The following ANKS1B variants were observed in gnomAD, a reference collection of about 807,000 sequenced individuals.
ANKS1B encodes ankyrin repeat and sterile alpha motif domain-containing protein 1B.
In ANKS1B, 36 loss-of-function variants were observed where a neutral mutation model predicts 148.3. That is an observed-to-expected ratio of 0.24 (90% CI 0.19 to 0.32). ANKS1B has a LOEUF of 0.32. ANKS1B is among the 10% of genes least tolerant of loss of function. ANKS1B has a pLI of 1.00. For missense variants in ANKS1B, 1,157 were observed against 1,542.6 expected, an observed-to-expected ratio of 0.75 and a Z score of 4.19; for synonymous variants, 542 against 560.8, an observed-to-expected ratio of 0.97 and a Z score of 0.47.
At chr12:99,189,005 G>A (rs557246183) in intron 14 of ANKS1B, among the ~76,000 whole-genome samples, 1 of 152,096 alleles carries the variant, frequency 6.6e-6, no homozygotes. Flanking sequence ...AATGATAAAG[G>A]AGATATCACC....
intron 15 of ANKS1B, among the ~76,000 whole-genome samples, chr12:99,132,740 G>A (rs958707251): frequency 6.6e-6 from 1 of 152,086 alleles, no homozygotes; most frequent in African/African-American, 2.4e-5. Context: ...TCTTCTCTGA[G>A]CCTTAGTCTT....
At chr12:98,993,880 C>G (rs2099928048) in intron 17 of ANKS1B, among the ~76,000 whole-genome samples, 1 of 152,140 alleles carries the variant, frequency 6.6e-6, no homozygotes, top group South Asian at 2.1e-4. Context: ...GATATTTAAT[C>G]TTCCTAATGG....
At chr12:99,068,555 A>G (rs1188277310) in intron 16 of ANKS1B, among the ~76,000 whole-genome samples, 1 of 152,220 alleles carries the variant, frequency 6.6e-6, no homozygotes, top group African/African-American at 2.4e-5. Context: ...AAGTTCTAGA[A>G]AAAAATGCTA....
intron 9 of ANKS1B, among the ~76,000 whole-genome samples, chr12:99,630,798 C>T (rs1478729508): frequency 2.6e-5 from 4 of 152,174 alleles, no homozygotes; most frequent in African/African-American, 4.8e-5. Context: ...CACGTCCTTA[C>T]CAGCAAGAAG....
At chr12:99,535,697 T>G (rs2097058756) in intron 9 of ANKS1B, among the ~76,000 whole-genome samples, 1 of 152,110 alleles carries the variant, frequency 6.6e-6, no homozygotes, top group Non-Finnish European at 1.5e-5. Flanking sequence ...ACAATTCTAC[T>G]TCTTCAAGTT....
chr12:98,785,684 C>A (rs1438963451), intron 22 of ANKS1B, among the ~76,000 whole-genome samples: 7 of 152,228 alleles, frequency 4.6e-5, no homozygotes, highest in Non-Finnish European at 1.0e-4. Context: ...GATCATCATT[C>A]TTTTCTCCTT....
intron 17 of ANKS1B, among the ~76,000 whole-genome samples, chr12:98,930,997 C>A (rs1271845228): frequency 6.6e-6 from 1 of 151,818 alleles, no homozygotes; most frequent in Admixed American, 6.6e-5. Flanking sequence ...AGTTACCATG[C>A]TGCTGGCAGC....
At position 98,922,100 on chromosome 12, in the gene ANKS1B, T is replaced by C. The variant is rs563143544; in HGVS notation, c.2779-89964A>G. Reference sequence around the variant, plus strand: ...ACTCTGCAATTGCTGAGTGCTAGTGTATCTATCCTCAAGTGGCATTTCTGT... The same window carrying C: ...ACTCTGCAATTGCTGAGTGCTAGTGCATCTATCCTCAAGTGGCATTTCTGT... On this transcript the variant is annotated intron_variant, in intron 17 of 26. Transcript: ENST00000683438. Among the ~76,000 whole-genome samples the C allele has an allele frequency of 1.4e-3, 210 of 152,342 alleles. 2 individuals carry two copies. Among genetic ancestry groups the C allele is most frequent in the African/African-American group, 4.9e-3 (204 of 41,582 alleles).
rs184558181 is a variant in ANKS1B at position 98,744,003 on chromosome 12, T to C, written c.*1736A>G. 8 of 983,884 alleles carry C rather than the reference T, an allele frequency of 8.1e-6. No individual in the cohort carries two copies. 60.9% of individuals were successfully genotyped at this position (983,884 alleles called of 1,614,324 possible). A position where few individuals can be genotyped will look rare whatever the true frequency, so the allele number is the denominator to read the frequency against. On this transcript the variant is annotated 3_prime_UTR_variant, in exon 27 of 27. Transcript: ENST00000683438. Reference sequence around the variant, plus strand: ...GTACAACTTCTGTTTTATTTTTGTGTGCTTTTTTTATAGGATATAAATAAT... The same window carrying C: ...GTACAACTTCTGTTTTATTTTTGTGCGCTTTTTTTATAGGATATAAATAAT...
chr12:99,643,904 A>G (rs571758276), intron 9 of ANKS1B, among the ~76,000 whole-genome samples: 19 of 152,232 alleles, frequency 1.2e-4, no homozygotes, highest in Non-Finnish European at 2.5e-4. Flanking sequence ...TTATCTAGCC[A>G]TGCTTTCAGC....
intron 11 of ANKS1B, among the ~76,000 whole-genome samples, chr12:99,420,579 A>G (rs2095051551): frequency 1.4e-5 from 2 of 144,502 alleles, no homozygotes; most frequent in South Asian, 4.3e-4. Context: ...CTTTTCTGCT[A>G]TTTTTCTAAA....
At chr12:98,861,642 C>G (rs541302366) in intron 17 of ANKS1B, among the ~76,000 whole-genome samples, 4 of 152,164 alleles carry the variant, frequency 2.6e-5, no homozygotes, top group Non-Finnish European at 4.4e-5. Context: ...TAGAAAAGAA[C>G]TTAATTAGTT....
At chr12:99,092,753 T>A (rs1439762000) in intron 15 of ANKS1B, among the ~76,000 whole-genome samples, 1 of 152,206 alleles carries the variant, frequency 6.6e-6, no homozygotes, top group Non-Finnish European at 1.5e-5. Flanking sequence ...AATTTGCTCC[T>A]GGGTATTCCC....
intron 25 of ANKS1B, among the ~76,000 whole-genome samples, chr12:98,755,259 C>G (rs1299610912): frequency 6.6e-6 from 1 of 152,192 alleles, no homozygotes; most frequent in Non-Finnish European, 1.5e-5. Context: ...GAGTTGCTAT[C>G]ATGTACGAGG....
chr12:99,694,395 T>G (rs557583211), intron 8 of ANKS1B, among the ~76,000 whole-genome samples: 1 of 149,842 alleles, frequency 6.7e-6, no homozygotes, highest in African/African-American at 2.5e-5. Flanking sequence ...GCTGAGATCA[T>G]GCCACTACAC....
At chr12:99,696,877 C>T (rs2054008936) in intron 8 of ANKS1B, among the ~76,000 whole-genome samples, 1 of 152,062 alleles carries the variant, frequency 6.6e-6, no homozygotes, top group South Asian at 2.1e-4. Context: ...ACTTAAAATA[C>T]AACATAAGAA....
chr12:98,808,630 C>T (rs1440310995), intron 19 of ANKS1B, among the ~76,000 whole-genome samples: 2 of 152,122 alleles, frequency 1.3e-5, no homozygotes, highest in Admixed American at 1.3e-4. Flanking sequence ...GGCTCTCCCC[C>T]ACACCATTAA....
intron 10 of ANKS1B, among the ~76,000 whole-genome samples, chr12:99,494,993 A>G (rs1006962047): frequency 7.9e-5 from 12 of 152,142 alleles, no homozygotes; most frequent in Admixed American, 7.2e-4. Flanking sequence ...GAATTAAAAT[A>G]TGAGACCATC....
intron 17 of ANKS1B, among the ~76,000 whole-genome samples, chr12:98,878,640 G>C (rs2099698252): frequency 1.3e-5 from 2 of 152,148 alleles, no homozygotes; most frequent in Non-Finnish European, 2.9e-5. Flanking sequence ...GAAGAGAGCA[G>C]GGAAAGCTGA....
Sources: allele counts gnomAD v4.1 joint callset (sites outside exome capture counted in the v4.1 genomes callset), GRCh38; gene constraint gnomAD v4.1.1; transcripts MANE v1.5; gene names NCBI Gene and HGNC (gene_info 2026-07-23, HGNC 2026-07-21).